The following ANAPC4 variants were observed in gnomAD, a reference collection of about 807,000 sequenced individuals.
ANAPC4 encodes the protein anaphase-promoting complex subunit 4.
In ANAPC4, 63 loss-of-function variants were observed where a neutral mutation model predicts 119.8. That is an observed-to-expected ratio of 0.53 (90% confidence interval 0.43 to 0.65). The LOEUF is 0.65. Among genes scored for constraint, ANAPC4 ranks in the 30% least tolerant of loss-of-function variants. The pLI is 0.00. For missense variants in ANAPC4, 716 were observed against 945.1 expected, an observed-to-expected ratio of 0.76 and a Z score of 3.18; for synonymous variants, 283 against 318.6, an observed-to-expected ratio of 0.89 and a Z score of 1.19.
chr4:25,410,427 C>G (rs1723497883), intron 21 of ANAPC4, among the ~76,000 whole-genome samples: 1 of 152,150 alleles, frequency 6.6e-6, no homozygotes, highest in South Asian at 2.1e-4. Context: ...CTTAGTCTAA[C>G]TAAACATTTA....
intron 20 of ANAPC4, among the ~76,000 whole-genome samples, chr4:25,408,504 G>A (rs963476360): frequency 5.3e-5 from 8 of 150,900 alleles, no homozygotes; most frequent in Non-Finnish European, 1.0e-4. Flanking sequence ...GAAGCACACA[G>A]GGGCAGATGC....
chr4:25,413,433 T>G, intron 21 of ANAPC4: 2 of 434,524 alleles, frequency 4.6e-6, no homozygotes, highest in Non-Finnish European at 8.1e-6. Context: ...GTAAGTGAGA[T>G]TGTTTTTAGT....
rs1003784247 is a variant in ANAPC4 at position 25,415,544 on chromosome 4, A to G, written c.1901+4A>G. ...CAACAGAAAAAGTCAGAAGAAGGTAAGTCTTGAATCTTGTTTGGATGAAAT... is the reference window on the plus strand; with the variant it reads ...CAACAGAAAAAGTCAGAAGAAGGTAGGTCTTGAATCTTGTTTGGATGAAAT... On this transcript the variant is annotated splice_donor_region_variant and intron_variant, in intron 26 of 28. Transcript: ENST00000315368. 1.9e-6 allele frequency: 3 copies of G among 1,611,120 alleles called. No homozygotes were observed. The African/African-American group carries it at 4.0e-5, about 22-fold the overall frequency.
At chr4:25,394,278 T>C (rs760186108) in intron 11 of ANAPC4, 32 bp from the exon 12 acceptor site, 2 of 1,539,664 alleles carry the variant, frequency 1.3e-6, no homozygotes, top group Non-Finnish European at 1.8e-6. Flanking sequence ...AAGAAATACA[T>C]ATATCACAAT....
At chr4:25,390,300 A>G in intron 8 of ANAPC4, 80 bp downstream of exon 8, 1 of 1,050,332 alleles carries the variant, frequency 9.5e-7, no homozygotes, top group Non-Finnish European at 1.4e-6. Flanking sequence ...AGAATAAAAC[A>G]CTAGGTTTTT....
Position 25,417,883 on chromosome 4 carries a change from A to G in ANAPC4, c.2199+144A>G, listed in dbSNP as rs73098488. 0.011 allele frequency: 12,615 copies of G among 1,169,118 alleles called. 909 individuals are homozygous for G. The African/African-American group carries it at 0.16, about 15-fold the overall frequency. The allele number at this position is 1,169,118 out of a possible 1,614,324, so 72.4% of individuals were successfully genotyped here. On this transcript the variant is annotated intron_variant, in intron 28 of 28. Transcript: ENST00000315368. ...TTTATAGCTTGTATTGATTATGATC[A>G]TGTGGTGGCCTTAGCTATTTAGTTC...
At chr4:25,415,779 C>G in intron 26 of ANAPC4, 1 of 366,822 alleles carries the variant, frequency 2.7e-6, no homozygotes, top group South Asian at 8.5e-5. Flanking sequence ...TACTCCTGAG[C>G]TCCCTGTTGA....
intron 22 of ANAPC4, chr4:25,414,046 C>T (rs1425017109): frequency 4.3e-6 from 2 of 464,420 alleles, no homozygotes; most frequent in Non-Finnish European, 7.5e-6. Flanking sequence ...GCTGATGTGT[C>T]TCTGCTTACT....
At chr4:25,383,473 T>C in intron 4 of ANAPC4, 80 bp downstream of exon 4, 1 of 1,331,370 alleles carries the variant, frequency 7.5e-7, no homozygotes, top group Middle Eastern at 1.9e-4. Context: ...AGTATCTGAG[T>C]ATTGGGTGTA....
chr4:25,378,439 C>T (rs1275191855), intron 2 of ANAPC4, among the ~76,000 whole-genome samples: 1 of 152,176 alleles, frequency 6.6e-6, no homozygotes, highest in Non-Finnish European at 1.5e-5. Flanking sequence ...TTTTTCAGGG[C>T]CCTCCATGAA....
At chr4:25,404,383 C>A (rs1333333671) in intron 17 of ANAPC4, among the ~76,000 whole-genome samples, 2 of 151,440 alleles carry the variant, frequency 1.3e-5, no homozygotes, top group African/African-American at 4.8e-5. Flanking sequence ...TTTTTTTTTG[C>A]AGAGGTAGTT....
intron 2 of ANAPC4, 52 bp downstream of exon 2, chr4:25,377,608 CA>C (rs756605519): frequency 2.0e-6 from 3 of 1,510,280 alleles, no homozygotes; most frequent in Non-Finnish European, 8.8e-7. Flanking sequence ...CCGGGGGGCC[CA>C]AGAACACCGA....
chr4:25,415,382 C>T, intron 25 of ANAPC4, 84 bp from the exon 26 acceptor site: 4 of 1,046,762 alleles, frequency 3.8e-6, no homozygotes, highest in Non-Finnish European at 5.8e-6. Flanking sequence ...CTGACCCTGA[C>T]AATCATGTTC....
At chr4:25,409,862 T>A in intron 21 of ANAPC4, 71 bp downstream of exon 21, 1 of 1,092,960 alleles carries the variant, frequency 9.1e-7, no homozygotes, top group Non-Finnish European at 1.4e-6. Context: ...ATAGTTCTGC[T>A]AACAGTTTTG....
Position 25,405,541 on chromosome 4 carries a change from TTAAAGA to T in ANAPC4, c.1271-29_1271-24del. The T allele has an allele frequency of 6.2e-7, 1 of 1,601,906 alleles. No individual in the cohort carries two copies. Among genetic ancestry groups the T allele is most frequent in the Non-Finnish European group, 8.6e-7 (1 of 1,169,422 alleles). On this transcript the variant is annotated intron_variant, in intron 17 of 28. Coordinates refer to ENST00000315368, the MANE Select transcript of ANAPC4 (RefSeq NM_013367.3). The surrounding 1 kb of genome is among the most constrained non-coding windows in gnomAD (Gnocchi z 4.6). ...TTAAAATTATGTTTGTAGTTTGCTT[TTAAAGA>T]TAGTTTTTTAACTTTGTATTTCCAG... is the stretch of plus-strand genomic sequence containing the variant.
intron 16 of ANAPC4, among the ~76,000 whole-genome samples, chr4:25,401,662 C>G (rs1722985372): frequency 1.3e-5 from 2 of 152,224 alleles, no homozygotes; most frequent in African/African-American, 2.4e-5. Flanking sequence ...CCACATCAGT[C>G]ACTTTTGCTG....
At chr4:25,381,491 TG>T (rs1283737062) in intron 3 of ANAPC4, among the ~76,000 whole-genome samples, 31 of 152,280 alleles carry the variant, frequency 2.0e-4, no homozygotes, top group African/African-American at 7.5e-4. Context: ...TTGTGTTTTT[TG>T]GTAGAGAAAA....
At chr4:25,393,960 C>T in intron 11 of ANAPC4, 69 bp downstream of exon 11, 1 of 1,268,188 alleles carries the variant, frequency 7.9e-7, no homozygotes, top group Non-Finnish European at 1.1e-6. Context: ...CCTTGAGGTA[C>T]ATGAGAAAAA....
intron 11 of ANAPC4, 63 bp from the exon 12 acceptor site, chr4:25,394,247 G>T (rs1722512431): frequency 3.7e-6 from 5 of 1,344,336 alleles, no homozygotes; most frequent in South Asian, 2.7e-5. Context: ...CTATAATTTT[G>T]AATAAATATG....
Sources: gnomAD v4.1 joint callset for allele counts (sites outside exome capture counted in the v4.1 genomes callset) on GRCh38, gnomAD v4.1.1 for gene constraint, Gnocchi (gnomAD v3.1) non-coding constraint, MANE v1.5 for transcripts, NCBI Gene and HGNC (gene_info 2026-07-23, HGNC 2026-07-21) for gene names.